The following PPIL2 variants were observed in gnomAD, a reference collection of about 807,000 sequenced individuals.
The protein encoded by PPIL2 is RING-type E3 ubiquitin-protein ligase PPIL2.
PPIL2 carries 50 observed loss-of-function variants against 75.2 expected under a neutral mutation model. The observed-to-expected ratio is 0.66, with a 90% CI of 0.53 to 0.84. The LOEUF is 0.84. PPIL2 is among the 40% of genes least tolerant of loss of function. The pLI, the probability that PPIL2 is intolerant of heterozygous loss-of-function variation, is 0.00. For synonymous variants in PPIL2, 245 were observed against 258.8 expected, an observed-to-expected ratio of 0.95 and a Z score of 0.51; for missense variants, 590 against 685.0, an observed-to-expected ratio of 0.86 and a Z score of 1.55.
At position 21,666,034 on chromosome 22, in the gene PPIL2, G is replaced by A. The variant is rs901177206; in HGVS notation, c.-66G>A. The stretch of plus-strand genomic sequence containing the variant: ...GGAAGTGGTCACGGAACTCGGCTGC[G>A]GCTCCATGGTCTGAGTTGTCAGCCG... On this transcript the variant is annotated 5_prime_UTR_variant, in exon 1 of 20. Coordinates refer to ENST00000398831, the MANE Select transcript of PPIL2 (RefSeq NM_014337.4). 1.9e-6 allele frequency: 3 copies of A among 1,568,756 alleles called. No homozygotes were observed. Among genetic ancestry groups the A allele is most frequent in the East Asian group, 2.3e-5 (1 of 43,762 alleles).
chr22:21,695,083 G>C lies in PPIL2; in HGVS notation c.1466+13G>C, dbSNP rs756656293. ...ACCCAGCAGCCACGTGAGTGCCGCG[G>C]GGCTGGCCTCCCTGTTTCCCATGGT... is the stretch of plus-strand genomic sequence containing the variant. On this transcript the variant is annotated intron_variant, in intron 19 of 19. Transcript: ENST00000398831. The C allele has an allele frequency of 1.9e-6, 3 of 1,589,644 alleles. No homozygotes were observed. The highest frequency in any genetic ancestry group is 2.6e-6 in the Non-Finnish European group (3 of 1,173,312).
downstream of PPIL2, chr22:21,699,578 C>G (rs1225439715): frequency 6.6e-6 from 1 of 152,608 alleles, no homozygotes; most frequent in Non-Finnish European, 1.5e-5. Flanking sequence ...GACAGCACCA[C>G]GCAGGGACGG....
chr22:21,688,467 A>G (rs998387399), intron 14 of PPIL2, among the ~76,000 whole-genome samples: 9 of 152,142 alleles, frequency 5.9e-5, no homozygotes, highest in African/African-American at 2.2e-4. Context: ...AGTGATGATG[A>G]TGGTGGCCTT....
chr22:21,692,190 C>G (rs934865035), intron 15 of PPIL2, among the ~76,000 whole-genome samples: 2 of 151,526 alleles, frequency 1.3e-5, no homozygotes, highest in African/African-American at 4.9e-5. Flanking sequence ...GAGTCTCGCT[C>G]CGTCCCCCAG....
Position 21,695,651 on chromosome 22 carries a change from T to TC in PPIL2, c.*164dup. ...CCTGGCCCCTGGGAGCCCACAGCCT[T>TC]CCCATCCCTTAACCTGTTGCCAAGG... On this transcript the variant is annotated 3_prime_UTR_variant, in exon 20 of 20. Transcript: ENST00000398831. 1 of 1,447,538 alleles carries TC rather than the reference T, an allele frequency of 6.9e-7. No individual in the cohort carries two copies. The highest frequency in any genetic ancestry group is 9.1e-7 in the Non-Finnish European group (1 of 1,097,194). 89.7% of individuals were successfully genotyped at this position (1,447,538 alleles called of 1,614,324 possible).
chr22:21,698,569 G>T (rs1407762479), downstream of PPIL2: 1 of 152,374 alleles, frequency 6.6e-6, no homozygotes, highest in Admixed American at 6.5e-5. Flanking sequence ...CGGAGGCTGG[G>T]TTCCCACATG....
chr22:21,678,812 G>T (rs543923538), intron 6 of PPIL2, among the ~76,000 whole-genome samples: 10 of 151,770 alleles, frequency 6.6e-5, no homozygotes. Flanking sequence ...CTGTTGCTTC[G>T]ACCTTCCAGG....
At chr22:21,682,267 T>C (rs985344533) in intron 7 of PPIL2, among the ~76,000 whole-genome samples, 170 bp from the exon 8 acceptor site, 1 of 152,150 alleles carries the variant, frequency 6.6e-6, no homozygotes, top group South Asian at 2.1e-4. Context: ...CAGCTCCGCC[T>C]CTGTGGGAGC....
chr22:21,670,091 C>A, intron 2 of PPIL2, 129 bp downstream of exon 2: 2 of 1,034,786 alleles, frequency 1.9e-6, no homozygotes, highest in Non-Finnish European at 1.5e-6. Context: ...GGGCTGAGGA[C>A]ACAGTTCATG....
At chr22:21,679,978 T>A (rs2067040421) in intron 6 of PPIL2, among the ~76,000 whole-genome samples, 1 of 151,564 alleles carries the variant, frequency 6.6e-6, no homozygotes, top group African/African-American at 2.4e-5. Flanking sequence ...AGGTCCCAGC[T>A]ACTCAGGAGG....
chr22:21,670,721 A>T, intron 3 of PPIL2, 110 bp downstream of exon 3: 1 of 1,217,738 alleles, frequency 8.2e-7, no homozygotes, highest in Non-Finnish European at 1.2e-6. Flanking sequence ...TGCCTTGAAG[A>T]TGTGGCCCTT....
At chr22:21,691,899 TGGTGGGCTCA>T (rs2067656972) in intron 15 of PPIL2, among the ~76,000 whole-genome samples, 2 of 152,154 alleles carry the variant, frequency 1.3e-5, no homozygotes, top group Non-Finnish European at 2.9e-5. Flanking sequence ...TGGTCAGACT[TGGTGGGCTCA>T]GGAGCGTGTC....
intron 14 of PPIL2, 142 bp downstream of exon 14, chr22:21,688,248 G>GC (rs1184010910): frequency 4.6e-6 from 5 of 1,081,102 alleles, no homozygotes; most frequent in Admixed American, 2.0e-5. Flanking sequence ...TCAGTGCTGT[G>GC]CCCCCTCAGG....
intron 6 of PPIL2, among the ~76,000 whole-genome samples, chr22:21,680,196 G>A (rs1030962111): frequency 2.0e-5 from 3 of 151,834 alleles, no homozygotes; most frequent in Non-Finnish European, 4.4e-5. Context: ...ACTTTGACAG[G>A]GCCCCTGGCC....
rs1239756472 is a variant in PPIL2 at position 21,687,716 on chromosome 22, C to A, written c.971C>A (p.Ser324Tyr). 17 of 1,612,536 alleles carry A rather than the reference C, an allele frequency of 1.1e-5. No individual in the cohort carries two copies. The highest frequency in any genetic ancestry group is 1.4e-5 in the Non-Finnish European group (17 of 1,179,072). Residue 324 changes from serine to tyrosine, a missense_variant, in exon 13 of 20, where the codon TCC becomes TAC. Ser to Tyr is a moderately radical substitution (Grantham distance 144). Transcript: ENST00000398831. The stretch of plus-strand genomic sequence containing the variant: ...TACGATGGCACCATCTTCCACAGAT[C>A]CATCCGGAACTTTGTGGTGAGTGAC... ...HYYDGTIFHR[S>Y]IRNFVIQGGD...
intron 1 of PPIL2, 33 bp from the exon 2 acceptor site, chr22:21,669,880 G>A (rs758637573): frequency 4.4e-6 from 7 of 1,595,342 alleles, no homozygotes; most frequent in Non-Finnish European, 6.0e-6. Flanking sequence ...TATAAAGGTG[G>A]TGGTGGTAGC....
chr22:21,675,570 G>A (rs546136890), intron 6 of PPIL2, among the ~76,000 whole-genome samples: 1 of 152,310 alleles, frequency 6.6e-6, no homozygotes, highest in East Asian at 1.9e-4. Context: ...CTTCTCAAAG[G>A]TCTGGGTAGT....
chr22:21,673,447 C>G (rs1032092226), intron 5 of PPIL2: 6 of 152,330 alleles, frequency 3.9e-5, no homozygotes, highest in African/African-American at 1.4e-4. Context: ...CCTGCTGTCC[C>G]AGTGGATTCT....
rs573839666 is a variant in PPIL2 at position 21,670,796 on chromosome 22, A to G, written c.128+185A>G. Reference sequence around the variant, plus strand: ...TGTTAGGAGCTTGCCTTGGTGTTGGATCCTGCTCTAGACCTTCACCAGGGG... The same window carrying G: ...TGTTAGGAGCTTGCCTTGGTGTTGGGTCCTGCTCTAGACCTTCACCAGGGG... On this transcript the variant is annotated intron_variant, in intron 3 of 19. Coordinates refer to ENST00000398831, the MANE Select transcript of PPIL2 (RefSeq NM_014337.4). 2.7e-5 allele frequency: 23 copies of G among 841,942 alleles called. No homozygotes were observed. The African/African-American group carries it at 2.8e-4, about 10-fold the overall frequency. 52.2% of individuals were successfully genotyped at this position (841,942 alleles called of 1,614,324 possible). A position where few individuals can be genotyped will look rare whatever the true frequency, so the allele number is the denominator to read the frequency against.
Sources: allele counts gnomAD v4.1 joint callset (sites outside exome capture counted in the v4.1 genomes callset), GRCh38; gene constraint gnomAD v4.1.1; transcripts MANE v1.5; gene names NCBI Gene and HGNC (gene_info 2026-07-23, HGNC 2026-07-21).